Variants in SELP observed in about 807,000 individuals in gnomAD.
SELP encodes P-selectin.
SELP carries 92 observed loss-of-function variants against 104.1 expected under a neutral mutation model. The ratio of observed to expected loss-of-function variants is 0.88; its 90% confidence interval spans 0.75 to 1.05. The LOEUF (loss-of-function observed/expected upper bound fraction) is 1.05, where lower values mean the gene tolerates loss of function less well. Ranked by LOEUF, SELP falls within the 50% of genes least tolerant of loss-of-function variation. The pLI is 0.00. For synonymous variants in SELP, 397 were observed against 364.5 expected (o/e 1.09, Z -1.01); for missense variants, 1,022 against 1,017.3 (o/e 1.00, Z -0.06).
intron 1 of SELP, among the ~76,000 whole-genome samples, chr1:169,626,861 AT>A (rs1425682895): frequency 4.6e-5 from 7 of 152,104 alleles, no homozygotes; most frequent in African/African-American, 1.7e-4. Flanking sequence ...CACCCGGCTA[AT>A]TTTTTGTAGA....
chr1:169,615,141 T>C (rs1212763264), intron 3 of SELP, among the ~76,000 whole-genome samples: 1 of 152,234 alleles, frequency 6.6e-6, no homozygotes, highest in East Asian at 1.9e-4. Flanking sequence ...TAAATCTTTT[T>C]TCGATAGCCT....
intron 3 of SELP, among the ~76,000 whole-genome samples, 177 bp downstream of exon 3, chr1:169,616,851 A>G (rs1447962140): frequency 6.6e-6 from 1 of 152,066 alleles, no homozygotes; most frequent in Non-Finnish European, 1.5e-5. Context: ...AGTTTTCTCT[A>G]ATTCTGATCT....
intron 10 of SELP, among the ~76,000 whole-genome samples, chr1:169,600,809 A>C (rs1228241503): frequency 6.6e-6 from 1 of 152,254 alleles, no homozygotes; most frequent in Non-Finnish European, 1.5e-5. Context: ...AATTTGGAGA[A>C]CGAAGAAGAA....
intron 1 of SELP, among the ~76,000 whole-genome samples, chr1:169,624,121 G>A (rs1571682183): frequency 6.6e-6 from 1 of 152,182 alleles, no homozygotes; most frequent in East Asian, 1.9e-4. Context: ...TTTGTGTGGA[G>A]GTATGGAGAA....
At chr1:169,616,779 A>G (rs1158289899) in intron 3 of SELP, among the ~76,000 whole-genome samples, 1 of 152,200 alleles carries the variant, frequency 6.6e-6, no homozygotes, top group Non-Finnish European at 1.5e-5. Flanking sequence ...CCTTTTCATC[A>G]GTTATAAGAT....
At chr1:169,617,958 G>A (rs1310069203) in intron 2 of SELP, among the ~76,000 whole-genome samples, 1 of 152,122 alleles carries the variant, frequency 6.6e-6, no homozygotes, top group African/African-American at 2.4e-5. Context: ...CTCTTCTTAT[G>A]TCTGATAAAC....
Position 169,617,246 on chromosome 1 carries a change from G to T in SELP, c.263C>A (p.Ser88Tyr), listed in dbSNP as rs1293111304. ...CTTTCGGATCCCAATCCAGTAGTAG[G>T]AGCTGTAGTAGGGTAGGACCTTATT... ...YLNKVLPYYS[S>Y]YYWIGIRKNN... Residue 88 changes from serine (S) to tyrosine (Y), a missense_variant, in exon 3 of 17, where the codon TCC (serine) becomes TAC (tyrosine). Physicochemically the swap from Ser to Tyr is moderately radical, Grantham distance 144. Coordinates refer to ENST00000263686, the MANE Select transcript of SELP (RefSeq NM_003005.4). 1.2e-6 allele frequency: 2 copies of T among 1,614,100 alleles called. No homozygotes were observed. Among genetic ancestry groups the T allele is most frequent in the Admixed American group, 3.3e-5 (2 of 60,010 alleles).
intron 14 of SELP, 191 bp from the exon 15 acceptor site, chr1:169,591,647 A>G (rs1034811675): frequency 1.6e-5 from 7 of 426,390 alleles, no homozygotes; most frequent in Non-Finnish European, 3.0e-5. Flanking sequence ...TAAACATTCG[A>G]CAATATTTAA....
chr1:169,629,730 C>T (rs934560051), intron 1 of SELP, among the ~76,000 whole-genome samples: 7 of 152,142 alleles, frequency 4.6e-5, no homozygotes, highest in African/African-American at 1.7e-4. Flanking sequence ...CAGAGAGCCC[C>T]TATAAATTCT....
intron 3 of SELP, 25 bp from the exon 4 acceptor site, chr1:169,613,718 G>T: frequency 6.3e-7 from 1 of 1,587,534 alleles, no homozygotes; most frequent in Non-Finnish European, 8.7e-7. Flanking sequence ...AAAGGTCAGA[G>T]TCATGGACAT....
intron 1 of SELP, among the ~76,000 whole-genome samples, chr1:169,623,547 G>A (rs996180788): frequency 2.6e-5 from 4 of 152,182 alleles, no homozygotes; most frequent in African/African-American, 9.7e-5. Flanking sequence ...AAAACAAAGT[G>A]AGAGAGAGCG....
At chr1:169,606,911 A>G (rs1324357762) in intron 9 of SELP, 38 bp downstream of exon 9, 7 of 1,581,316 alleles carry the variant, frequency 4.4e-6, no homozygotes, top group Non-Finnish European at 6.0e-6. Context: ...TACTGCCTAC[A>G]ATTTATTTCC....
At chr1:169,592,209 T>C (rs1351099869) in intron 14 of SELP, among the ~76,000 whole-genome samples, 1 of 152,186 alleles carries the variant, frequency 6.6e-6, no homozygotes, top group East Asian at 1.9e-4. Context: ...AGTACATCTC[T>C]TTGGTATTGA....
Position 169,612,257 on chromosome 1 carries a change from T to A in SELP, c.921A>T (p.Thr307=). 2 of 1,614,154 alleles carry A rather than the reference T, an allele frequency of 1.2e-6. No homozygotes were observed. The highest frequency in any genetic ancestry group is 1.7e-6 in the Non-Finnish European group (2 of 1,180,006). ...CTGGGGCTGTCCATACCCCCGAGGC[T>A]GTGCATTGCACCACTTCCGGTCCAA... The part of the protein sequence containing the change: ...ALVGPEVVQC[T]ASGVWTAPAP... Residue 307 remains threonine, a synonymous_variant, in exon 6 of 17, where the codon ACA becomes ACT. Coordinates refer to ENST00000263686, the MANE Select transcript of SELP (RefSeq NM_003005.4).
At chr1:169,621,342 A>T (rs1663122725) in intron 1 of SELP, among the ~76,000 whole-genome samples, 1 of 138,378 alleles carries the variant, frequency 7.2e-6, no homozygotes, top group Admixed American at 7.4e-5. Context: ...TGGATGATGT[A>T]GGGTGCATGG....
rs1661522570 is a variant in SELP at position 169,594,828 on chromosome 1, G to A, written c.2151C>T (p.Cys717=). ...LHVNKPIAMN[C]SNLWGNFSYG... is the part of the protein sequence containing the mutation. ...AACTGAAGTTTCCCCAGAGGTTGGA[G>A]CAGTTCATCGCTATTGGCTTATTAA... The change falls in exon 13 of 17, where the codon TGC becomes TGT. Residue 717 remains cysteine, a synonymous_variant. Transcript: ENST00000263686. 1 of 1,613,690 alleles carries A rather than the reference G, an allele frequency of 6.2e-7. No individual in the cohort carries two copies. The highest frequency in any genetic ancestry group is 8.5e-7 in the Non-Finnish European group (1 of 1,179,770).
intron 10 of SELP, among the ~76,000 whole-genome samples, chr1:169,598,621 C>T (rs1661746509): frequency 6.6e-6 from 1 of 152,178 alleles, no homozygotes; most frequent in South Asian, 2.1e-4. Context: ...ACTGGTGTAA[C>T]TCCTAGACAT....
chr1:169,596,079 C>A lies in SELP; in HGVS notation c.1947G>T (p.Gly649=). The change falls in exon 12 of 17, where the codon GGG becomes GGT. Residue 649 remains glycine (G), a synonymous_variant. Coordinates refer to ENST00000263686, the MANE Select transcript of SELP (RefSeq NM_003005.4). ...GATGCCTACAGTACATGGTTCCCTG[C>A]CCAGGAGTGGTGAGGGCTGGACATT... ...GVQCPALTTP[G]QGTMYCRHHP... The A allele has an allele frequency of 6.2e-7, 1 of 1,613,844 alleles. No homozygotes were observed. The highest frequency in any genetic ancestry group is 8.5e-7 in the Non-Finnish European group (1 of 1,179,836).
At chr1:169,627,876 C>T (rs1274855096) in intron 1 of SELP, among the ~76,000 whole-genome samples, 1 of 152,166 alleles carries the variant, frequency 6.6e-6, no homozygotes, top group Non-Finnish European at 1.5e-5. Flanking sequence ...TCCAGACCTG[C>T]TCCTTAGCCC....
Sources: allele counts gnomAD v4.1 joint callset (sites outside exome capture counted in the v4.1 genomes callset), GRCh38; gene constraint gnomAD v4.1.1; transcripts MANE v1.5; gene names NCBI Gene and HGNC (gene_info 2026-07-23, HGNC 2026-07-21).